The following IL27RA variants were observed in gnomAD, a reference collection of about 807,000 sequenced individuals.
IL27RA encodes interleukin 27 receptor subunit alpha.
In IL27RA, 61 loss-of-function variants were observed where a neutral mutation model predicts 80.8. The observed-to-expected ratio is 0.76, with a 90% confidence interval of 0.61 to 0.93. IL27RA has a LOEUF of 0.93. Ranked by LOEUF, IL27RA falls within the 40% of genes least tolerant of loss-of-function variation. IL27RA has a pLI of 0.00. For missense variants in IL27RA, 735 were observed against 808.1 expected (o/e 0.91, Z 1.10); for synonymous variants, 316 against 332.5 (o/e 0.95, Z 0.54).
chr19:14,032,078 T>C (rs1403487073), intron 1 of IL27RA, 106 bp downstream of exon 1: 1 of 1,001,984 alleles, frequency 1.0e-6, no homozygotes, highest in Non-Finnish European at 1.5e-6. Context: ...ACGGTAGAGG[T>C]GCAGGCGCCA....
intron 2 of IL27RA, among the ~76,000 whole-genome samples, chr19:14,036,077 TAA>T (rs373140888): frequency 5.3e-5 from 7 of 132,348 alleles, no homozygotes; most frequent in Admixed American, 1.5e-4. Context: ...CCGTCTCTAT[TAA>T]AAAAAAAAAA....
intron 2 of IL27RA, among the ~76,000 whole-genome samples, chr19:14,036,867 G>A (rs988758509): frequency 2.7e-5 from 4 of 148,852 alleles, no homozygotes; most frequent in African/African-American, 5.0e-5. Flanking sequence ...ACAAAGTCTC[G>A]CTCTGTCGCT....
chr19:14,033,607 G>A (rs1975853577), intron 2 of IL27RA, among the ~76,000 whole-genome samples: 1 of 151,878 alleles, frequency 6.6e-6, no homozygotes, highest in African/African-American at 2.4e-5. Context: ...AGAGGTTGCG[G>A]TGAGCTAAGA....
chr19:14,048,347 GAC>G (rs1046341722), intron 8 of IL27RA, among the ~76,000 whole-genome samples: 4 of 152,106 alleles, frequency 2.6e-5, no homozygotes, highest in African/African-American at 7.2e-5. Context: ...AGAAATTTAG[GAC>G]ACAGTCCCAA....
Position 14,039,541 on chromosome 19 carries a change from A to G in IL27RA, c.252A>G (p.Ala84=), listed in dbSNP as rs1399897938. The G allele has an allele frequency of 6.2e-7, 1 of 1,614,038 alleles. No individual in the cohort carries two copies. The highest frequency in any genetic ancestry group is 1.3e-5 in the African/African-American group (1 of 75,072). The part of the protein sequence containing the change: ...RSNKTQTVAV[A]AGRSWVAIPR... Reference sequence around the variant, plus strand: ...ACAAAACCCAGACTGTGGCAGTGGCAGCCGGACGGAGCTGGGTGGCCATTC... The same window carrying G: ...ACAAAACCCAGACTGTGGCAGTGGCGGCCGGACGGAGCTGGGTGGCCATTC... The change falls in exon 3 of 14, where the codon GCA becomes GCG. Residue 84 remains alanine, a synonymous_variant. Transcript: ENST00000263379.
At chr19:14,040,497 C>T (rs974221782) in intron 4 of IL27RA, among the ~76,000 whole-genome samples, 3 of 152,016 alleles carry the variant, frequency 2.0e-5, no homozygotes, top group Admixed American at 6.6e-5. Flanking sequence ...CCAGCCTGGG[C>T]AGGATAGCAA....
At position 14,049,127 on chromosome 19, in the gene IL27RA, C is replaced by T. The variant is rs368039517; in HGVS notation, c.1244-29C>T. ...ATGGGGGGGCTTCTGTAACCCAGGC[C>T]GACCTTGACCTACTGCCTTCCTCCC... On this transcript the variant is annotated intron_variant, in intron 9 of 13. Transcript: ENST00000263379. The T allele has an allele frequency of 6.9e-5, 112 of 1,612,494 alleles. 2 individuals are homozygous for T. The highest frequency in any genetic ancestry group is 5.3e-4 in the South Asian group (48 of 91,018).
At position 14,053,211 on chromosome 19, in the gene IL27RA, T is replaced by C. The variant is rs536413087; in HGVS notation, c.*921T>C. On this transcript the variant is annotated 3_prime_UTR_variant, in exon 14 of 14. Transcript: ENST00000263379. ...TAAGAAAAATAAACTTTTATATTTT[T>C]ATAGCTACTGTAGCTTTGAGGTCTT... 1.5e-4 allele frequency: 25 copies of C among 171,330 alleles called. 1 individual carries two copies. The highest frequency in any genetic ancestry group is 3.1e-4 in the Non-Finnish European group (25 of 81,452). The allele number at this position is 171,330 out of a possible 1,614,324, so 10.6% of individuals were successfully genotyped here. A position where few individuals can be genotyped will look rare whatever the true frequency, so the allele number is the denominator to read the frequency against.
At chr19:14,047,961 A>ATT (rs74427021) in intron 8 of IL27RA, among the ~76,000 whole-genome samples, 2 of 129,344 alleles carry the variant, frequency 1.5e-5, no homozygotes, top group African/African-American at 5.8e-5. Flanking sequence ...CGCACCCGGC[A>ATT]TTTTTTTTTT....
chr19:14,044,842 A>G (rs1976040489), intron 6 of IL27RA, among the ~76,000 whole-genome samples: 1 of 151,518 alleles, frequency 6.6e-6, no homozygotes, highest in African/African-American at 2.4e-5. Context: ...AAACATTACC[A>G]GGGGCCGGGC....
Position 14,031,950 on chromosome 19 carries a change from T to C in IL27RA, c.78T>C (p.Leu26=), listed in dbSNP as rs1189189899. Residue 26 remains leucine (L), a synonymous_variant, in exon 1 of 14, where the codon CTT becomes CTC. Transcript: ENST00000263379. ...CGCTGCTGCCTCTGTTGTGGGTGCT[T>C]TTCCAGCGGACGCGTCCCCAGGGTG... The part of the protein sequence containing the change: ...KLALLPLLWV[L]FQRTRPQGSA... 1 of 1,611,082 alleles carries C rather than the reference T, an allele frequency of 6.2e-7. No homozygotes were observed. Among genetic ancestry groups the C allele is most frequent in the Admixed American group, 1.7e-5 (1 of 59,720 alleles).
Position 14,046,146 on chromosome 19 carries a change from TCTCTCA to T in IL27RA, c.769-7_769-2del, listed in dbSNP as rs1354829938. The T allele has an allele frequency of 6.2e-7, 1 of 1,610,624 alleles. No individual in the cohort carries two copies. The highest frequency in any genetic ancestry group is 1.3e-5 in the African/African-American group (1 of 74,798). ...AGACATTAACCCCTTTTTCCCTTCA[TCTCTCA>T]GGCCCCAGGGCCCTGTGTGCAGGTG... On this transcript the variant is annotated splice_acceptor_variant and splice_polypyrimidine_tract_variant and intron_variant, in intron 6 of 13. Coordinates refer to ENST00000263379, the MANE Select transcript of IL27RA (RefSeq NM_004843.4). LOFTEE classifies it high-confidence loss of function.
At chr19:14,044,843 G>T (rs1175514435) in intron 6 of IL27RA, among the ~76,000 whole-genome samples, 3 of 151,736 alleles carry the variant, frequency 2.0e-5, no homozygotes. Flanking sequence ...AACATTACCA[G>T]GGGCCGGGCA....
chr19:14,037,068 C>T (rs1157212781), intron 2 of IL27RA, among the ~76,000 whole-genome samples: 2 of 148,336 alleles, frequency 1.3e-5, no homozygotes, highest in Non-Finnish European at 3.0e-5. Flanking sequence ...ACTCCTGACC[C>T]GAACTCTGCC....
chr19:14,048,288 A>AT (rs1976101310), intron 8 of IL27RA, among the ~76,000 whole-genome samples: 2 of 123,376 alleles, frequency 1.6e-5, no homozygotes, highest in East Asian at 2.9e-4. Context: ...AAATAAATAA[A>AT]TAAATTAATT....
intron 10 of IL27RA, among the ~76,000 whole-genome samples, chr19:14,050,491 T>TA (rs1976142817): frequency 7.3e-6 from 1 of 136,574 alleles, no homozygotes; most frequent in Non-Finnish European, 1.5e-5. Context: ...AACAGAGTGT[T>TA]ACAGAGCGAG....
intron 2 of IL27RA, among the ~76,000 whole-genome samples, chr19:14,033,142 G>A (rs1305074578): frequency 6.8e-6 from 1 of 147,610 alleles, no homozygotes; most frequent in Non-Finnish European, 1.5e-5. Flanking sequence ...TGTTGCCCAG[G>A]CTGGAATGCA....
intron 8 of IL27RA, among the ~76,000 whole-genome samples, chr19:14,047,357 T>TG (rs1976083978): frequency 1.5e-5 from 2 of 131,818 alleles, no homozygotes; most frequent in South Asian, 5.0e-4. Context: ...GCCTAACTTT[T>TG]CTTTTTTTTT....
At chr19:14,035,881 A>G (rs1406630493) in intron 2 of IL27RA, among the ~76,000 whole-genome samples, 1 of 152,052 alleles carries the variant, frequency 6.6e-6, no homozygotes, top group Non-Finnish European at 1.5e-5. Context: ...CCTGGGCTCC[A>G]GCCATTTTCC....
Sources: gnomAD v4.1 joint callset for allele counts (sites outside exome capture counted in the v4.1 genomes callset) on GRCh38, gnomAD v4.1.1 for gene constraint, MANE v1.5 for transcripts, NCBI Gene and HGNC (gene_info 2026-07-23, HGNC 2026-07-21) for gene names.